Variants in RAB22A observed in about 807,000 individuals in gnomAD.
RAB22A encodes ras-related protein Rab-22A.
RAB22A carries 13 observed loss-of-function variants against 30.2 expected under a neutral mutation model. The ratio of observed to expected loss-of-function variants is 0.43; its 90% CI spans 0.28 to 0.68. The LOEUF (loss-of-function observed/expected upper bound fraction) is 0.68, where lower values mean the gene tolerates loss of function less well. Ranked by LOEUF, RAB22A falls within the 30% of genes least tolerant of loss-of-function variation. The pLI, the probability that RAB22A is intolerant of heterozygous loss-of-function variation, is 0.18. For synonymous variants in RAB22A, 89 were observed against 87.2 expected (o/e 1.02, Z -0.11); for missense variants, 177 against 246.8 (o/e 0.72, Z 1.89).
At chr20:58,314,339 A>C (rs145129515) in intron 2 of RAB22A, among the ~76,000 whole-genome samples, 2,420 of 152,220 alleles carry the variant, frequency 0.016, 28 homozygotes, top group Non-Finnish European at 0.026. Flanking sequence ...TGCTGGGATT[A>C]CAGGCATGAG....
At chr20:58,327,936 T>G (rs903650519) in intron 2 of RAB22A, among the ~76,000 whole-genome samples, 5 of 152,166 alleles carry the variant, frequency 3.3e-5, no homozygotes, top group African/African-American at 1.2e-4. Context: ...ACATGTGCTT[T>G]TGAACTAGAT....
At position 58,325,173 on chromosome 20, in the gene RAB22A, C is replaced by G. The variant is rs553264742; in HGVS notation, c.116+14051C>G. Among the ~76,000 whole-genome samples the G allele has an allele frequency of 2.4e-5, 3 of 125,686 alleles. No homozygotes were observed. The East Asian group carries it at 7.3e-4, about 31-fold the overall frequency. 82.5% of individuals were successfully genotyped at this position (125,686 alleles called of 152,430 possible). A position where few individuals can be genotyped will look rare whatever the true frequency, so the allele number is the denominator to read the frequency against. ...GCCTGGTGACAGAGCGAGACTCCAT[C>G]TCAAAAAAAAAAAAAAAACTTTAGG... On this transcript the variant is annotated intron_variant, in intron 2 of 6. Transcript: ENST00000244040.
At chr20:58,327,242 G>T (rs564358904) in intron 2 of RAB22A, among the ~76,000 whole-genome samples, 1 of 152,222 alleles carries the variant, frequency 6.6e-6, no homozygotes, top group South Asian at 2.1e-4. Context: ...ATTAAATATT[G>T]CTAAGTAACA....
chr20:58,353,911 G>A (rs539443531), intron 5 of RAB22A, among the ~76,000 whole-genome samples: 5 of 152,260 alleles, frequency 3.3e-5, no homozygotes, highest in Admixed American at 2.0e-4. Flanking sequence ...AATTTTGGCT[G>A]GGGAAGAAAA....
At chr20:58,347,157 A>G (rs182267705) in intron 3 of RAB22A, among the ~76,000 whole-genome samples, 1 of 152,122 alleles carries the variant, frequency 6.6e-6, no homozygotes, top group Admixed American at 6.5e-5. Context: ...TAAAATGAAA[A>G]CCCTTTTGAT....
chr20:58,365,279 T>C lies in RAB22A; in HGVS notation c.*5576T>C, dbSNP rs1475774870. The C allele has an allele frequency of 6.6e-6, 1 of 152,186 alleles. No individual in the cohort carries two copies. The highest frequency in any genetic ancestry group is 6.5e-5 in the Admixed American group (1 of 15,282). 9.4% of individuals were successfully genotyped at this position (152,186 alleles called of 1,614,324 possible). ...CCCCTCAGCATCTAACGTCATCTTG[T>C]AGAAGAGCTGGGCATACCTCTTCCT... is the stretch of plus-strand genomic sequence containing the variant. On this transcript the variant is annotated 3_prime_UTR_variant, in exon 7 of 7. Transcript: ENST00000244040.
rs1463654092 is a variant in RAB22A at position 58,361,988 on chromosome 20, A to AT, written c.*2288dup. On this transcript the variant is annotated 3_prime_UTR_variant, in exon 7 of 7. Coordinates refer to ENST00000244040, the MANE Select transcript of RAB22A (RefSeq NM_020673.3). ...TCATCAGCCCTTTGCTGATTTCATG[A>AT]TTTCTCACCCTCCCTCCCATATGTA... 1.3e-5 allele frequency: 2 copies of AT among 151,502 alleles called. No homozygotes were observed. The highest frequency in any genetic ancestry group is 3.9e-4 in the East Asian group (2 of 5,160). 9.4% of individuals were successfully genotyped at this position (151,502 alleles called of 1,614,324 possible). A position where few individuals can be genotyped will look rare whatever the true frequency, so the allele number is the denominator to read the frequency against.
intron 2 of RAB22A, among the ~76,000 whole-genome samples, chr20:58,338,075 G>A (rs547266927): frequency 6.6e-6 from 1 of 151,752 alleles, no homozygotes; most frequent in East Asian, 1.9e-4. Flanking sequence ...CGCCCAGACT[G>A]GAGTGCTATG....
chr20:58,316,342 A>C (rs3787152), intron 2 of RAB22A, among the ~76,000 whole-genome samples: 18,689 of 151,830 alleles, frequency 0.12, 1,769 homozygotes, highest in East Asian at 0.42. Context: ...ATCCCTTTGT[A>C]TGTCCAGATC....
At chr20:58,315,083 T>C (rs2122922957) in intron 2 of RAB22A, among the ~76,000 whole-genome samples, 2 of 152,200 alleles carry the variant, frequency 1.3e-5, no homozygotes, top group South Asian at 2.1e-4. Flanking sequence ...CACAGGGCCC[T>C]GGAGTCCGGA....
rs749321475 is a variant in RAB22A at position 58,360,004 on chromosome 20, G to A, written c.*301G>A. 4.1e-5 allele frequency: 7 copies of A among 171,184 alleles called. No individual in the cohort carries two copies. Among genetic ancestry groups the A allele is most frequent in the Non-Finnish European group, 6.2e-5 (5 of 80,382 alleles). The allele number at this position is 171,184 out of a possible 1,614,324, so 10.6% of individuals were successfully genotyped here. On this transcript the variant is annotated 3_prime_UTR_variant, in exon 7 of 7. Coordinates refer to ENST00000244040, the MANE Select transcript of RAB22A (RefSeq NM_020673.3). The stretch of plus-strand genomic sequence containing the variant: ...TAGGATTAAGTTGTTGAGTAGTTTT[G>A]TAATCAAGATTTTATGTAACATTTG...
intron 2 of RAB22A, among the ~76,000 whole-genome samples, chr20:58,326,935 G>C (rs757273394): frequency 5.9e-5 from 9 of 152,116 alleles, no homozygotes; most frequent in Non-Finnish European, 1.0e-4. Flanking sequence ...CAGTAAGTTT[G>C]ATGTTAGTTA....
chr20:58,314,117 C>T (rs183662793), intron 2 of RAB22A, among the ~76,000 whole-genome samples: 1 of 150,960 alleles, frequency 6.6e-6, no homozygotes, highest in East Asian at 1.9e-4. Context: ...GACACGATCT[C>T]GGCTCACTGC....
chr20:58,349,657 G>A (rs1299889312), intron 3 of RAB22A, among the ~76,000 whole-genome samples: 3 of 152,128 alleles, frequency 2.0e-5, no homozygotes, highest in Non-Finnish European at 4.4e-5. Context: ...TGGGCATTCC[G>A]ATGAAACTTC....
chr20:58,359,781 C>T lies in RAB22A; in HGVS notation c.*78C>T, dbSNP rs1987194907. 2 of 1,280,456 alleles carry T rather than the reference C, an allele frequency of 1.6e-6. No homozygotes were observed. Among genetic ancestry groups the T allele is most frequent in the Non-Finnish European group, 2.2e-6 (2 of 900,888 alleles). 79.3% of individuals were successfully genotyped at this position (1,280,456 alleles called of 1,614,324 possible). On this transcript the variant is annotated 3_prime_UTR_variant, in exon 7 of 7. Coordinates refer to ENST00000244040, the MANE Select transcript of RAB22A (RefSeq NM_020673.3). ...ACAGGAGGGCTGGGGTCCCTGCCAC[C>T]AGTTTTCACCTAGCCAGTCTTGAGT...
chr20:58,340,009 A>T (rs1441427959), intron 2 of RAB22A, among the ~76,000 whole-genome samples: 1 of 152,128 alleles, frequency 6.6e-6, no homozygotes, highest in Non-Finnish European at 1.5e-5. Context: ...ATCCAATCCT[A>T]ATGCTGAGGA....
At chr20:58,352,224 T>C (rs1338169774) in intron 3 of RAB22A, among the ~76,000 whole-genome samples, 1 of 152,204 alleles carries the variant, frequency 6.6e-6, no homozygotes, top group Admixed American at 6.5e-5. Context: ...TAATACGAAA[T>C]TTTAAAAGCC....
intron 2 of RAB22A, among the ~76,000 whole-genome samples, chr20:58,336,982 G>A (rs1986767075): frequency 6.6e-6 from 1 of 152,074 alleles, no homozygotes; most frequent in African/African-American, 2.4e-5. Context: ...CATGGAATGG[G>A]ACCCCCCTGG....
At position 58,362,192 on chromosome 20, in the gene RAB22A, T is replaced by G. The variant is rs1483008313; in HGVS notation, c.*2489T>G. On this transcript the variant is annotated 3_prime_UTR_variant, in exon 7 of 7. Coordinates refer to ENST00000244040, the MANE Select transcript of RAB22A (RefSeq NM_020673.3). ...ATGCTTAGCAACAACAACAAAAAAT[T>G]GCTCTCTCAGATCCATAATCCATAC... The G allele has an allele frequency of 6.6e-6, 1 of 152,188 alleles. No homozygotes were observed. Among genetic ancestry groups the G allele is most frequent in the Non-Finnish European group, 1.5e-5 (1 of 68,032 alleles). 9.4% of individuals were successfully genotyped at this position (152,188 alleles called of 1,614,324 possible). A position where few individuals can be genotyped will look rare whatever the true frequency, so the allele number is the denominator to read the frequency against.
Sources: allele counts gnomAD v4.1 joint callset (sites outside exome capture counted in the v4.1 genomes callset), GRCh38; gene constraint gnomAD v4.1.1; transcripts MANE v1.5; gene names NCBI Gene and HGNC (gene_info 2026-07-23, HGNC 2026-07-21).